The following SLC39A12 variants were observed in gnomAD, a reference collection of about 807,000 sequenced individuals.
The protein encoded by SLC39A12 is solute carrier family 39 member 12, also known as zinc transporter ZIP12.
Under a neutral mutation model 71.1 loss-of-function variants are expected in SLC39A12, and 63 were observed. The ratio of observed to expected loss-of-function variants is 0.89; its 90% CI spans 0.72 to 1.09. The LOEUF (loss-of-function observed/expected upper bound fraction) is 1.09, where lower values mean the gene tolerates loss of function less well. Ranked by LOEUF, SLC39A12 falls within the 50% of genes least tolerant of loss-of-function variation. The pLI is 0.00. For synonymous variants in SLC39A12, 351 were observed against 301.3 expected (o/e 1.16, Z -1.71); for missense variants, 892 against 812.6 (o/e 1.10, Z -1.19).
intron 12 of SLC39A12, among the ~76,000 whole-genome samples, chr10:18,022,231 G>C (rs2130877265): frequency 6.6e-6 from 1 of 152,074 alleles, no homozygotes; most frequent in African/African-American, 2.4e-5. Flanking sequence ...CAATTTGCTT[G>C]CTTCCTCTCC....
intron 5 of SLC39A12, among the ~76,000 whole-genome samples, chr10:17,978,455 G>A (rs1179997901): frequency 1.3e-5 from 2 of 152,108 alleles, no homozygotes; most frequent in African/African-American, 4.8e-5. Context: ...GTTATTTTCT[G>A]TTACCTCTGC....
intron 4 of SLC39A12, among the ~76,000 whole-genome samples, chr10:17,974,706 C>A (rs115200477): frequency 0.015 from 2,242 of 152,308 alleles, 41 homozygotes; most frequent in African/African-American, 0.051. Flanking sequence ...TATGACCACA[C>A]TGGGTTAGAC....
At chr10:18,006,339 A>C (rs945993295) in intron 12 of SLC39A12, among the ~76,000 whole-genome samples, 1 of 152,236 alleles carries the variant, frequency 6.6e-6, no homozygotes, top group Non-Finnish European at 1.5e-5. Context: ...TCCAAAGTAG[A>C]ATTGGCTTAT....
intron 4 of SLC39A12, among the ~76,000 whole-genome samples, chr10:17,973,470 T>G (rs1835026408): frequency 6.6e-6 from 1 of 152,174 alleles, no homozygotes; most frequent in Non-Finnish European, 1.5e-5. Flanking sequence ...AAATCTTTAT[T>G]TCTCCTTCAT....
intron 12 of SLC39A12, among the ~76,000 whole-genome samples, chr10:18,035,998 T>G (rs965269943): frequency 1.3e-5 from 2 of 152,336 alleles, no homozygotes; most frequent in African/African-American, 4.8e-5. Flanking sequence ...GGAGGCAGTC[T>G]GCCGGTTCTC....
In SLC39A12 at chr10:17,995,705, C is replaced by G. The variant is rs889152524; in HGVS notation, c.1583C>G (p.Thr528Arg). 1.2e-6 allele frequency: 2 copies of G among 1,612,970 alleles called. No individual in the cohort carries two copies. The highest frequency in any genetic ancestry group is 1.7e-6 in the Non-Finnish European group (2 of 1,179,602). ...GCTGAAATGCCTATAGGCAGTATGA[C>G]AGCCTCCAACAGAAAATGTGAGTAC... The part of the protein sequence containing the change: ...QAAEMPIGSM[T>R]ASNRKCKAIS... The change falls in exon 10 of 13, where the codon ACA (threonine) becomes AGA (arginine). Residue 528 changes from threonine (T) to arginine (R), a missense_variant. Transcript: ENST00000377369.
chr10:18,004,288 G>T (rs1201031773), intron 12 of SLC39A12: 1 of 152,172 alleles, frequency 6.6e-6, no homozygotes, highest in East Asian at 1.9e-4. Flanking sequence ...ATCAGGCTGT[G>T]TAAAAGTCAG....
chr10:18,011,078 CCCTTCCTTCCTT>C (rs968266172), intron 12 of SLC39A12, among the ~76,000 whole-genome samples: 1 of 151,872 alleles, frequency 6.6e-6, no homozygotes, highest in African/African-American at 2.4e-5. Context: ...GGTATTTCCT[CCCTTCCTTCCTT>C]CCTTCCTTTC....
intron 2 of SLC39A12, 92 bp from the exon 3 acceptor site, chr10:17,961,489 A>T: frequency 8.1e-7 from 1 of 1,232,886 alleles, no homozygotes; most frequent in Non-Finnish European, 1.1e-6. Flanking sequence ...TTATAAAATG[A>T]TAAGCAATGA....
rs78826034 is a variant in SLC39A12, at chr10:17,987,415, G to T, written c.1097-64G>T. 5.7e-4 allele frequency: 862 copies of T among 1,515,862 alleles called. 8 individuals carry two copies. In the African/African-American group the frequency reaches 0.011, roughly 19 times the overall value. The allele number at this position is 1,515,862 out of a possible 1,614,324, so 93.9% of individuals were successfully genotyped here. ...TAAGACCAATTCTTCTGGCATTTTC[G>T]CCAGCTGAGGCCGGAATGGAGGGCA... On this transcript the variant is annotated intron_variant, in intron 6 of 12. Transcript: ENST00000377369.
intron 4 of SLC39A12, among the ~76,000 whole-genome samples, chr10:17,977,554 C>T (rs1197035355): frequency 6.6e-6 from 1 of 152,176 alleles, no homozygotes; most frequent in African/African-American, 2.4e-5. Context: ...AATCTTATCT[C>T]CCTTTCACGG....
chr10:17,990,827 C>T (rs11011929), intron 7 of SLC39A12, among the ~76,000 whole-genome samples: 4,243 of 152,156 alleles, frequency 0.028, 93 homozygotes, highest in South Asian at 0.068. Context: ...ACAATTTGGC[C>T]GAAGGACTGA....
intron 12 of SLC39A12, among the ~76,000 whole-genome samples, chr10:18,010,368 T>C (rs987450853): frequency 1.3e-5 from 2 of 152,216 alleles, no homozygotes; most frequent in African/African-American, 4.8e-5. Flanking sequence ...TCAACAAATA[T>C]TGTAGTTAAA....
chr10:17,956,466 C>T (rs1589216770), intron 2 of SLC39A12, among the ~76,000 whole-genome samples: 1 of 151,268 alleles, frequency 6.6e-6, no homozygotes, highest in African/African-American at 2.5e-5. Flanking sequence ...CATGGACATA[C>T]ATGTTCTCCT....
chr10:18,021,193 A>C (rs188044563), intron 12 of SLC39A12, among the ~76,000 whole-genome samples: 1 of 151,868 alleles, frequency 6.6e-6, no homozygotes, highest in East Asian at 2.0e-4. Context: ...CACATGGCTA[A>C]CCAGTCATCC....
At chr10:17,980,337 T>TA (rs71393049) in intron 5 of SLC39A12, among the ~76,000 whole-genome samples, 18,368 of 151,894 alleles carry the variant, frequency 0.12, 1,217 homozygotes, top group Non-Finnish European at 0.14. Context: ...GTGCCTTCAT[T>TA]AAAAAAAATC....
Position 17,981,351 on chromosome 10 carries a change from C to T in SLC39A12, c.964C>T (p.Gln322Ter). 2.5e-6 allele frequency: 4 copies of T among 1,613,172 alleles called. No individual in the cohort carries two copies. The highest frequency in any genetic ancestry group is 3.4e-6 in the Non-Finnish European group (4 of 1,179,540). ...SARQLVEIFL[Q>*]KGLSLISKED... is the part of the protein sequence containing the mutation. ...TAGGCAGCTGGTGGAGATATTTCTA[C>T]AGAAGGGCCTCTCACTCATTTCTAA... The change falls in exon 6 of 13, where the codon CAG (glutamine) becomes TAG (stop). Residue 322 changes from glutamine to a stop codon, truncating the protein, a stop_gained. Transcript: ENST00000377369. LOFTEE classifies it high-confidence loss of function.
intron 4 of SLC39A12, 137 bp from the exon 5 acceptor site, chr10:17,977,765 C>A (rs1179028142): frequency 4.9e-6 from 3 of 607,392 alleles, no homozygotes; most frequent in Non-Finnish European, 7.8e-6. Flanking sequence ...GTGGAAATGT[C>A]CATTCTGTCA....
chr10:18,010,348 G>GT, intron 12 of SLC39A12, among the ~76,000 whole-genome samples: 1 of 152,264 alleles, frequency 6.6e-6, no homozygotes, highest in South Asian at 2.1e-4. Flanking sequence ...CTTGATATAC[G>GT]TATTTGTTTT....
Sources: allele counts gnomAD v4.1 joint callset (sites outside exome capture counted in the v4.1 genomes callset), GRCh38; gene constraint gnomAD v4.1.1; transcripts MANE v1.5; gene names NCBI Gene and HGNC (gene_info 2026-07-23, HGNC 2026-07-21).